CDH13: variants seen among roughly 807,000 people sequenced by gnomAD.
CDH13 encodes cadherin 13, also known as cadherin-13.
Under a neutral mutation model 63.8 loss-of-function variants are expected in CDH13, and 24 were observed. That is an observed-to-expected ratio of 0.38 (90% CI 0.27 to 0.53). The LOEUF is 0.53. Ranked by LOEUF, CDH13 falls within the 20% of genes least tolerant of loss-of-function variation. The pLI is 0.85. For synonymous variants in CDH13, 503 were observed against 355.3 expected (o/e 1.42, Z -4.67); for missense variants, 1,049 against 903.1 (o/e 1.16, Z -2.07).
chr16:83,311,919 A>C (rs1205659715), intron 5 of CDH13, among the ~76,000 whole-genome samples: 1 of 152,124 alleles, frequency 6.6e-6, no homozygotes, highest in Non-Finnish European at 1.5e-5. Flanking sequence ...TACTGAAAAT[A>C]CAAAATTAGC....
intron 5 of CDH13, among the ~76,000 whole-genome samples, chr16:83,297,926 T>C (rs1247809021): frequency 6.6e-6 from 1 of 151,324 alleles, no homozygotes; most frequent in Non-Finnish European, 1.5e-5. Context: ...AGAAAGAAGA[T>C]GGAACCCAGC....
chr16:83,556,474 CAGCCAAGTAA>C (rs2075604495), intron 7 of CDH13, among the ~76,000 whole-genome samples: 1 of 152,142 alleles, frequency 6.6e-6, no homozygotes, highest in Non-Finnish European at 1.5e-5. Flanking sequence ...GGTGGTCAAT[CAGCCAAGTAA>C]AGCCAAAGTT....
At chr16:83,441,776 A>G (rs943516209) in intron 6 of CDH13, among the ~76,000 whole-genome samples, 2 of 152,164 alleles carry the variant, frequency 1.3e-5, no homozygotes, top group Non-Finnish European at 2.9e-5. Context: ...CCCTATGAGT[A>G]AATGTGATGA....
chr16:83,524,040 C>T (rs1290929715), intron 7 of CDH13, among the ~76,000 whole-genome samples: 2 of 152,158 alleles, frequency 1.3e-5, no homozygotes, highest in African/African-American at 4.8e-5. Flanking sequence ...CTGCAGTCCA[C>T]CCACAGGAGA....
At position 83,345,533 on chromosome 16, in the gene CDH13, G is replaced by A. The variant is rs529731281; in HGVS notation, c.781+527G>A. 1.2e-4 allele frequency among the ~76,000 whole-genome samples: 18 copies of A among 152,298 alleles called. No homozygotes were observed. The South Asian group carries it at 1.4e-3, about 12-fold the overall frequency. On this transcript the variant is annotated intron_variant, in intron 6 of 13. Transcript: ENST00000567109. ...GTTTGATATCTCTCTCTGGAAATGCGTAAATGCATGTGCCTACTGTTATAG... is the reference window on the plus strand; with the variant it reads ...GTTTGATATCTCTCTCTGGAAATGCATAAATGCATGTGCCTACTGTTATAG...
chr16:83,671,612 A>G (rs1914508082), intron 9 of CDH13, among the ~76,000 whole-genome samples: 1 of 152,258 alleles, frequency 6.6e-6, no homozygotes, highest in East Asian at 1.9e-4. Context: ...AGATATGCCA[A>G]AATGAGATGT....
chr16:83,089,090 T>G (rs2033762608), intron 3 of CDH13, among the ~76,000 whole-genome samples: 1 of 152,218 alleles, frequency 6.6e-6, no homozygotes, highest in Non-Finnish European at 1.5e-5. Context: ...TTTTATCAAT[T>G]CCTTTCCATG....
chr16:82,934,286 G>A (rs576437878), intron 2 of CDH13, among the ~76,000 whole-genome samples: 11 of 152,294 alleles, frequency 7.2e-5, no homozygotes, highest in South Asian at 2.1e-4. Context: ...GCCAAGGCTC[G>A]AGGCTTGCAC....
chr16:83,431,114 A>G (rs915824284), intron 6 of CDH13, among the ~76,000 whole-genome samples: 1 of 151,690 alleles, frequency 6.6e-6, no homozygotes, highest in Non-Finnish European at 1.5e-5. Flanking sequence ...GATGATTTCC[A>G]GTTTCATCCA....
At chr16:82,725,537 G>A (rs913735129) in intron 1 of CDH13, among the ~76,000 whole-genome samples, 2 of 152,110 alleles carry the variant, frequency 1.3e-5, no homozygotes, top group Non-Finnish European at 2.9e-5. Flanking sequence ...TTTAAGGAAT[G>A]GTAAAATGAT....
intron 3 of CDH13, among the ~76,000 whole-genome samples, chr16:83,104,668 GA>G (rs529148626): frequency 1.6e-4 from 24 of 152,268 alleles, no homozygotes; most frequent in African/African-American, 5.5e-4. Context: ...TAAATATTGT[GA>G]ATAACTCCCC....
intron 1 of CDH13, among the ~76,000 whole-genome samples, chr16:82,661,114 G>A (rs1163890781): frequency 1.3e-5 from 2 of 152,180 alleles, no homozygotes; most frequent in Non-Finnish European, 2.9e-5. Context: ...GTTTCATGCT[G>A]GAGGGATACA....
chr16:83,307,825 C>T (rs537649464), intron 5 of CDH13, among the ~76,000 whole-genome samples: 6 of 152,232 alleles, frequency 3.9e-5, no homozygotes, highest in South Asian at 2.1e-4. Flanking sequence ...AACATCAGAG[C>T]GGGGGAGTAA....
rs183321337 is a variant in CDH13 at position 83,103,288 on chromosome 16, G to T, written c.367-22097G>T. Among the ~76,000 whole-genome samples, 54 of 111,846 alleles carry T rather than the reference G, an allele frequency of 4.8e-4. 2 individuals carry two copies. The allele number at this position is 111,846 out of a possible 152,430, so 73.4% of individuals were successfully genotyped here. A position where few individuals can be genotyped will look rare whatever the true frequency, so the allele number is the denominator to read the frequency against. On this transcript the variant is annotated intron_variant, in intron 3 of 13. Coordinates refer to ENST00000567109, the MANE Select transcript of CDH13 (RefSeq NM_001257.5). ...TTGAGACAGTCTGGCTCTGTTGCCC[G>T]GGATGAAGTGCTGTGGCGTGAACTC... is the stretch of plus-strand genomic sequence containing the variant.
At chr16:83,742,287 G>A (rs1912141446) in intron 10 of CDH13, among the ~76,000 whole-genome samples, 1 of 152,176 alleles carries the variant, frequency 6.6e-6, no homozygotes, top group African/African-American at 2.4e-5. Context: ...CCACTGCGCT[G>A]CCTGCGACTC....
At chr16:83,301,533 C>T (rs918884869) in intron 5 of CDH13, among the ~76,000 whole-genome samples, 2 of 151,926 alleles carry the variant, frequency 1.3e-5, no homozygotes, top group African/African-American at 2.4e-5. Context: ...GGAAGGGTCT[C>T]GTGGGGAGGG....
intron 5 of CDH13, among the ~76,000 whole-genome samples, chr16:83,255,268 A>G (rs1906116532): frequency 6.6e-6 from 1 of 152,190 alleles, no homozygotes; most frequent in South Asian, 2.1e-4. Context: ...TTGGCAATTA[A>G]AAAGACAAGT....
At chr16:83,754,094 G>T (rs1470604099) in intron 11 of CDH13, among the ~76,000 whole-genome samples, 1 of 152,102 alleles carries the variant, frequency 6.6e-6, no homozygotes, top group Non-Finnish European at 1.5e-5. Flanking sequence ...AACTTGAGGG[G>T]CTGCTTTTCC....
At chr16:83,498,063 C>T (rs1246992328) in intron 7 of CDH13, among the ~76,000 whole-genome samples, 1 of 152,010 alleles carries the variant, frequency 6.6e-6, no homozygotes, top group Admixed American at 6.6e-5. Flanking sequence ...AAAAGCAGTC[C>T]AACAGAAAAA....
Sources: allele counts gnomAD v4.1 joint callset (sites outside exome capture counted in the v4.1 genomes callset), GRCh38; gene constraint gnomAD v4.1.1; transcripts MANE v1.5; gene names NCBI Gene and HGNC (gene_info 2026-07-23, HGNC 2026-07-21).